Variants in CLASP2 observed in about 807,000 individuals in gnomAD.
CLASP2 encodes CLIP-associating protein 2.
In CLASP2, 47 loss-of-function variants were observed where a neutral mutation model predicts 194.4. The observed-to-expected ratio is 0.24, with a 90% CI of 0.19 to 0.31. The LOEUF (loss-of-function observed/expected upper bound fraction) is 0.31. CLASP2 is among the 10% of genes least tolerant of loss of function. The pLI, the probability that CLASP2 is intolerant of heterozygous loss-of-function variation, is 1.00. For missense variants in CLASP2, 1,445 were observed against 1,823.6 expected (o/e 0.79, Z 3.78); for synonymous variants, 619 against 633.5 (o/e 0.98, Z 0.34).
In CLASP2 at chr3:33,673,662, C is replaced by G. The variant is rs1288763610; in HGVS notation, c.645-10147G>C. On this transcript the variant is annotated intron_variant, in intron 6 of 38. Transcript: ENST00000682230. Reference sequence around the variant, plus strand: ...CACAGACTGGCAAACTGGATAAAGACTCAAGACCCATCAGTGTGCTGTATT... The same window carrying G: ...CACAGACTGGCAAACTGGATAAAGAGTCAAGACCCATCAGTGTGCTGTATT... Among the ~76,000 whole-genome samples the G allele has an allele frequency of 3.9e-5, 6 of 151,970 alleles. No homozygotes were observed. The East Asian group carries it at 5.8e-4, about 15-fold the overall frequency.
At chr3:33,617,942 TATATATATA>T (rs2076465816) in intron 12 of CLASP2, among the ~76,000 whole-genome samples, 1 of 117,384 alleles carries the variant, frequency 8.5e-6, no homozygotes, top group Admixed American at 9.0e-5. Flanking sequence ...ATTATATATA[TATATATATA>T]TTTTTTTTTT....
intron 2 of CLASP2, among the ~76,000 whole-genome samples, chr3:33,692,106 C>A (rs1345024488): frequency 1.3e-5 from 2 of 152,036 alleles, no homozygotes; most frequent in Non-Finnish European, 2.9e-5. Context: ...GAGGCAGAGG[C>A]TGCAGTAAGC....
intron 24 of CLASP2, among the ~76,000 whole-genome samples, chr3:33,574,081 C>A (rs1400003776): frequency 6.6e-6 from 1 of 151,958 alleles, no homozygotes; most frequent in African/African-American, 2.4e-5. Context: ...ATGTAAATGC[C>A]AGTTATACCT....
chr3:33,614,516 A>G (rs1279048657), intron 12 of CLASP2, among the ~76,000 whole-genome samples: 1 of 152,202 alleles, frequency 6.6e-6, no homozygotes, highest in Non-Finnish European at 1.5e-5. Flanking sequence ...GTGAAAGACA[A>G]TTGACTCCTA....
rs976999313 is a variant in CLASP2, at chr3:33,688,510, C to T, written c.379-142G>A. 4 of 654,458 alleles carry T rather than the reference C, an allele frequency of 6.1e-6. No homozygotes were observed. The African/African-American group carries it at 7.5e-5, about 12-fold the overall frequency. 40.5% of individuals were successfully genotyped at this position (654,458 alleles called of 1,614,324 possible). A position where few individuals can be genotyped will look rare whatever the true frequency, so the allele number is the denominator to read the frequency against. On this transcript the variant is annotated intron_variant, in intron 3 of 38. Transcript: ENST00000682230. Reference sequence around the variant, plus strand: ...CTGTTGTTCATTTCTCCACTACTTACAAGTTTTTCTAAGCCAAATTACACA... The same window carrying T: ...CTGTTGTTCATTTCTCCACTACTTATAAGTTTTTCTAAGCCAAATTACACA...
At position 33,543,457 on chromosome 3, in the gene CLASP2, G is replaced by T; in HGVS notation, c.3380C>A (p.Thr1127Lys). ...CCTTGGAGATAAAGTATTCTGTGAT[G>T]TATTGGTAGGAGAAGTAAGAGGACT... ...WSSPLTSPTNTSQNTLSPSAF... is the reference protein window; with the variant it reads ...WSSPLTSPTNKSQNTLSPSAF... The change falls in exon 32 of 39, where the codon ACA becomes AAA. Residue 1127 changes from threonine to lysine, a missense_variant. Around this residue, in one of 4 missense-constraint regions of CLASP2, gnomAD observed 732 missense variants for 987.9 expected, o/e 0.74. Transcript: ENST00000682230. 2 of 1,605,110 alleles carry T rather than the reference G, an allele frequency of 1.2e-6. No individual in the cohort carries two copies. The highest frequency in any genetic ancestry group is 1.7e-6 in the Non-Finnish European group (2 of 1,171,836).
chr3:33,612,153 T>C (rs1459612475), intron 12 of CLASP2, 82 bp from the exon 13 acceptor site: 13 of 827,286 alleles, frequency 1.6e-5, no homozygotes, highest in Non-Finnish European at 2.6e-5. Flanking sequence ...CATTCAAGTA[T>C]TTAGTTATGT....
intron 4 of CLASP2, among the ~76,000 whole-genome samples, chr3:33,687,898 T>TG (rs2090890889): frequency 6.6e-6 from 1 of 152,218 alleles, no homozygotes; most frequent in South Asian, 2.1e-4. Flanking sequence ...CCACCCACAC[T>TG]GCTCTAGGGG....
At chr3:33,590,826 T>C (rs914157778) in intron 21 of CLASP2, among the ~76,000 whole-genome samples, 1 of 152,132 alleles carries the variant, frequency 6.6e-6, no homozygotes, top group Non-Finnish European at 1.5e-5. Context: ...AAATAGGACA[T>C]CCATATCCTA....
chr3:33,714,608 A>C (rs756772843), intron 1 of CLASP2, among the ~76,000 whole-genome samples: 1 of 152,114 alleles, frequency 6.6e-6, no homozygotes, highest in Non-Finnish European at 1.5e-5. Flanking sequence ...ATCACAGCCC[A>C]AATTTTCCAC....
chr3:33,708,546 A>ATATATATATGTATATATG (rs1559703950), intron 1 of CLASP2, among the ~76,000 whole-genome samples: 131 of 2,880 alleles, frequency 0.045, no homozygotes, highest in South Asian at 0.37. Context: ...GTATATATGT[A>ATATATATATGTATATATG]TATATATATA....
chr3:33,525,599 C>T (rs935560749), intron 34 of CLASP2, among the ~76,000 whole-genome samples: 2 of 152,152 alleles, frequency 1.3e-5, no homozygotes, highest in Admixed American at 1.3e-4. Context: ...CTGCAACCCT[C>T]AGGTCAGGAG....
intron 30 of CLASP2, among the ~76,000 whole-genome samples, chr3:33,545,496 A>T (rs1456597466): frequency 6.6e-6 from 1 of 152,188 alleles, no homozygotes; most frequent in African/African-American, 2.4e-5. Context: ...ATACAACACT[A>T]GGGGGAATGG....
At chr3:33,683,333 A>G (rs2090118650) in intron 6 of CLASP2, 1 of 152,246 alleles carries the variant, frequency 6.6e-6, no homozygotes, top group African/African-American at 2.4e-5. Context: ...AAAACATTTC[A>G]GCTGACTGCA....
intron 24 of CLASP2, chr3:33,574,353 T>C: frequency 3.3e-6 from 2 of 610,226 alleles, no homozygotes; most frequent in Non-Finnish European, 5.6e-6. Context: ...GAAAAATAGA[T>C]GTATGTCTAA....
At position 33,592,501 on chromosome 3, in the gene CLASP2, G is replaced by A. The variant is rs1388502781; in HGVS notation, c.1967-5C>T. ...AAAGTTTTGCTCTCACCCGGCCTGA[G>A]AAATAAAATATTTACATAATTAAAA... On this transcript the variant is annotated splice_region_variant and splice_polypyrimidine_tract_variant and intron_variant, in intron 20 of 38. Coordinates refer to ENST00000682230, the MANE Select transcript of CLASP2 (RefSeq NM_001365631.1). The A allele has an allele frequency of 1.9e-6, 3 of 1,600,378 alleles. No individual in the cohort carries two copies. The highest frequency in any genetic ancestry group is 1.7e-5 in the Admixed American group (1 of 59,592).
chr3:33,606,749 C>T lies in CLASP2; in HGVS notation c.1536G>A (p.Met512Ile), dbSNP rs1467079440. 7.5e-6 allele frequency: 12 copies of T among 1,594,272 alleles called. No homozygotes were observed. Among genetic ancestry groups the T allele is most frequent in the Non-Finnish European group, 1.0e-5 (12 of 1,173,080 alleles). Residue 512 changes from methionine (M) to isoleucine (I), a missense_variant, in exon 16 of 39, where the codon ATG (methionine) becomes ATA (isoleucine). Physicochemically the swap from Met to Ile is conservative, Grantham distance 10 (BLOSUM62 1). This residue lies in a region of CLASP2 where 207 missense variants were observed against 331.4 expected (regional missense o/e 0.62). Transcript: ENST00000682230. ...EARVEARKTY[M>I]GLRNHFPGEA... ...CACCAGGAAAGTGGTTTCTAAGACC[C>T]ATGTATGTCCTGTTAAAAAAAAAGA...
In CLASP2 at chr3:33,616,799, G is replaced by A. The variant is rs184605941; in HGVS notation, c.1317+2804C>T. The stretch of plus-strand genomic sequence containing the variant: ...GTCGCCCAGGCTGGAGTGCAGTGGC[G>A]TAATCTCGGCTCACTGCAACCTCCC... On this transcript the variant is annotated intron_variant, in intron 12 of 38. Coordinates refer to ENST00000682230, the MANE Select transcript of CLASP2 (RefSeq NM_001365631.1). Among the ~76,000 whole-genome samples the A allele has an allele frequency of 2.6e-4, 37 of 141,336 alleles. 1 individual carries two copies. Among genetic ancestry groups the A allele is most frequent in the Admixed American group, 2.0e-3 (27 of 13,600 alleles). 92.7% of individuals were successfully genotyped at this position (141,336 alleles called of 152,430 possible).
intron 1 of CLASP2, among the ~76,000 whole-genome samples, chr3:33,699,076 G>A (rs899683834): frequency 5.9e-5 from 9 of 152,128 alleles, no homozygotes; most frequent in African/African-American, 1.9e-4. Context: ...TAAAAGCAAG[G>A]TAAAAGTGAT....
Sources: allele counts gnomAD v4.1 joint callset (sites outside exome capture counted in the v4.1 genomes callset), GRCh38; gene constraint gnomAD v4.1.1; regional missense constraint gnomAD v4.1.1; transcripts MANE v1.5; gene names NCBI Gene and HGNC (gene_info 2026-07-23, HGNC 2026-07-21).